RBFOX1: variants seen among roughly 807,000 people sequenced by gnomAD.
RBFOX1 encodes the protein RNA binding protein fox-1 homolog 1.
RBFOX1 carries 8 observed loss-of-function variants against 57.7 expected under a neutral mutation model. The observed-to-expected ratio is 0.14, with a 90% CI of 0.08 to 0.25. RBFOX1 has a LOEUF of 0.25. Among genes scored for constraint, RBFOX1 ranks in the 10% least tolerant of loss-of-function variants. The pLI is 1.00. For missense variants in RBFOX1, 611 were observed against 548.5 expected, an observed-to-expected ratio of 1.11 and a Z score of -1.14; for synonymous variants, 326 against 222.4, an observed-to-expected ratio of 1.47 and a Z score of -4.15.
intron 4 of RBFOX1, among the ~76,000 whole-genome samples, chr16:7,101,703 T>G (rs1216303895): frequency 1.3e-5 from 2 of 152,156 alleles, no homozygotes; most frequent in Non-Finnish European, 2.9e-5. Flanking sequence ...TAGGGTGATT[T>G]TTTAAAAATG....
At chr16:7,311,478 CTTTTT>C (rs1190746565) in intron 4 of RBFOX1, among the ~76,000 whole-genome samples, 4 of 122,508 alleles carry the variant, frequency 3.3e-5, no homozygotes, top group South Asian at 2.7e-4. Context: ...TGAGCCTTTT[CTTTTT>C]TTTTTTTTTT....
intron 4 of RBFOX1, among the ~76,000 whole-genome samples, chr16:7,443,582 A>T (rs1011626104): frequency 6.6e-6 from 1 of 152,172 alleles, no homozygotes; most frequent in Non-Finnish European, 1.5e-5. Context: ...GCTCCTTGAA[A>T]CATAATTTTT....
At chr16:7,421,055 C>G (rs2098538385) in intron 4 of RBFOX1, among the ~76,000 whole-genome samples, 1 of 151,908 alleles carries the variant, frequency 6.6e-6, no homozygotes, top group Admixed American at 6.6e-5. Context: ...ATACCTGACT[C>G]TTTTGCTCAT....
intron 3 of RBFOX1, among the ~76,000 whole-genome samples, chr16:5,626,225 G>C (rs546200803): frequency 4.6e-5 from 7 of 152,326 alleles, no homozygotes; most frequent in Admixed American, 2.6e-4. Context: ...GAGGAAGGAT[G>C]GCTCAGAGTT....
intron 3 of RBFOX1, among the ~76,000 whole-genome samples, chr16:5,766,322 C>T (rs748294183): frequency 1.3e-5 from 2 of 152,120 alleles, no homozygotes; most frequent in Non-Finnish European, 2.9e-5. Context: ...CACGGTGGCT[C>T]ACGCCTGTAA....
At chr16:5,631,920 G>A (rs901032997) in intron 3 of RBFOX1, among the ~76,000 whole-genome samples, 14 of 152,206 alleles carry the variant, frequency 9.2e-5, no homozygotes, top group African/African-American at 3.4e-4. Context: ...GAATGATAGA[G>A]TGGAGACAGT....
chr16:5,382,168 A>G (rs985381280), intron 1 of RBFOX1, among the ~76,000 whole-genome samples: 1 of 152,210 alleles, frequency 6.6e-6, no homozygotes, highest in African/African-American at 2.4e-5. Context: ...TTAATATGTC[A>G]TTCAGGCCAT....
intron 2 of RBFOX1, among the ~76,000 whole-genome samples, chr16:5,522,502 G>C (rs920055348): frequency 6.6e-6 from 1 of 152,210 alleles, no homozygotes; most frequent in Non-Finnish European, 1.5e-5. Context: ...GGGTACCTAA[G>C]ATACCCATTA....
intron 3 of RBFOX1, among the ~76,000 whole-genome samples, chr16:5,757,274 C>T (rs1395241282): frequency 3.4e-5 from 5 of 149,108 alleles, no homozygotes; most frequent in Non-Finnish European, 7.4e-5. Context: ...ACTCTGTTGC[C>T]AGGCTGGAGT....
At chr16:5,455,902 G>A (rs989413301) in intron 1 of RBFOX1, among the ~76,000 whole-genome samples, 1 of 152,128 alleles carries the variant, frequency 6.6e-6, no homozygotes, top group African/African-American at 2.4e-5. Context: ...TCACGTTGGG[G>A]TGGCAATTCA....
At chr16:5,528,488 C>T (rs1248221969) in intron 2 of RBFOX1, among the ~76,000 whole-genome samples, 1 of 151,186 alleles carries the variant, frequency 6.6e-6, no homozygotes, top group African/African-American at 2.4e-5. Flanking sequence ...CCTAAAGCGA[C>T]AATGGCATTA....
intron 5 of RBFOX1, among the ~76,000 whole-genome samples, chr16:7,525,969 G>C (rs1044891014): frequency 6.6e-6 from 1 of 152,176 alleles, no homozygotes; most frequent in African/African-American, 2.4e-5. Flanking sequence ...CCAGGCCACA[G>C]ATCAGTACTG....
At chr16:6,483,649 C>T in intron 2 of RBFOX1, 1 of 1,372,154 alleles carries the variant, frequency 7.3e-7, no homozygotes, top group Non-Finnish European at 9.5e-7. Context: ...CAGAGGCTTC[C>T]TGAAGCCCAC....
intron 4 of RBFOX1, among the ~76,000 whole-genome samples, chr16:7,232,224 A>G (rs984000467): frequency 1.3e-5 from 2 of 152,154 alleles, no homozygotes; most frequent in African/African-American, 2.4e-5. Flanking sequence ...GGGTTTCACC[A>G]TGTTGGCCAG....
At chr16:6,144,587 G>A (rs2096743402) in intron 1 of RBFOX1, among the ~76,000 whole-genome samples, 1 of 152,198 alleles carries the variant, frequency 6.6e-6, no homozygotes, top group South Asian at 2.1e-4. Flanking sequence ...GTAATTTCTT[G>A]TAATGCATCT....
chr16:6,079,253 C>T (rs1213201280), intron 1 of RBFOX1, among the ~76,000 whole-genome samples: 1 of 152,134 alleles, frequency 6.6e-6, no homozygotes, highest in African/African-American at 2.4e-5. Flanking sequence ...TTGTAGTGAG[C>T]CAAGATTGTG....
chr16:6,515,930 T>A (rs994030186), intron 2 of RBFOX1, among the ~76,000 whole-genome samples: 7 of 152,214 alleles, frequency 4.6e-5, no homozygotes, highest in Non-Finnish European at 7.3e-5. Flanking sequence ...AATGAGTCTG[T>A]GAAACCTGTA....
At chr16:6,521,115 C>T (rs1353948673) in intron 2 of RBFOX1, among the ~76,000 whole-genome samples, 1 of 152,078 alleles carries the variant, frequency 6.6e-6, no homozygotes, top group African/African-American at 2.4e-5. Context: ...GGGAAGCAGG[C>T]TTACTAGAGG....
intron 3 of RBFOX1, among the ~76,000 whole-genome samples, chr16:5,787,532 T>A (rs376041558): frequency 6.6e-6 from 1 of 152,186 alleles, no homozygotes; most frequent in East Asian, 1.9e-4. Context: ...TCAAGGACAG[T>A]ATGGTTTAAG....
Sources: gnomAD v4.1 joint callset for allele counts (sites outside exome capture counted in the v4.1 genomes callset) on GRCh38, gnomAD v4.1.1 for gene constraint, MANE v1.5 for transcripts, NCBI Gene and HGNC (gene_info 2026-07-23, HGNC 2026-07-21) for gene names.